Variants in TEX36 observed in about 807,000 individuals in gnomAD.
TEX36 encodes testis expressed 36.
A neutral mutation model predicts 13.6 loss-of-function variants in TEX36; 12 were observed. The ratio of observed to expected loss-of-function variants is 0.88; its 90% CI spans 0.56 to 1.43. The LOEUF is 1.43. Ranked by LOEUF, TEX36 falls within the 40% of genes most tolerant of loss-of-function variation. The probability of loss-of-function intolerance (pLI) is 0.00; values close to 1 mark genes in which losing one functional copy is unlikely to be tolerated. For synonymous variants in TEX36, 93 were observed against 83.0 expected, an observed-to-expected ratio of 1.12 and a Z score of -0.65; for missense variants, 224 against 228.3, an observed-to-expected ratio of 0.98 and a Z score of 0.12.
At chr10:125,662,545 G>A (rs1357415863) in intron 1 of TEX36, among the ~76,000 whole-genome samples, 7 of 152,056 alleles carry the variant, frequency 4.6e-5, no homozygotes, top group Non-Finnish European at 1.0e-4. Flanking sequence ...TGAGGACTGA[G>A]GATTATCTAG....
chr10:125,633,774 A>G (rs991315468), intron 3 of TEX36, among the ~76,000 whole-genome samples: 14 of 152,226 alleles, frequency 9.2e-5, no homozygotes, highest in African/African-American at 3.4e-4. Flanking sequence ...CATCGACATC[A>G]GGGAATCAGG....
At chr10:125,608,730 C>A (rs951191780) in intron 3 of TEX36, among the ~76,000 whole-genome samples, 6 of 152,132 alleles carry the variant, frequency 3.9e-5, no homozygotes, top group Admixed American at 1.3e-4. Context: ...AGACAAATAG[C>A]CCCTTTCCTT....
intron 3 of TEX36, among the ~76,000 whole-genome samples, chr10:125,591,162 C>A (rs1846017121): frequency 6.6e-6 from 1 of 152,154 alleles, no homozygotes; most frequent in Admixed American, 6.5e-5. Flanking sequence ...AAATCCATTT[C>A]ATTTGGAATT....
intron 1 of TEX36, among the ~76,000 whole-genome samples, chr10:125,678,822 G>A (rs1847349807): frequency 6.6e-6 from 1 of 152,032 alleles, no homozygotes; most frequent in South Asian, 2.1e-4. Flanking sequence ...AGGACGTGAG[G>A]CTCTGTGTTC....
intron 3 of TEX36, among the ~76,000 whole-genome samples, chr10:125,638,941 ATTCT>A (rs1418015659): frequency 1.3e-5 from 2 of 152,218 alleles, no homozygotes; most frequent in Non-Finnish European, 2.9e-5. Context: ...TACACTATTA[ATTCT>A]TTGTTTTACC....
At chr10:125,583,698 GT>G (rs1845911017) in intron 3 of TEX36, among the ~76,000 whole-genome samples, 1 of 152,152 alleles carries the variant, frequency 6.6e-6, no homozygotes, top group African/African-American at 2.4e-5. Context: ...CTTTTAAAAT[GT>G]TTTCCTTCAA....
chr10:125,677,036 T>C (rs984981960), intron 1 of TEX36, among the ~76,000 whole-genome samples: 4 of 152,272 alleles, frequency 2.6e-5, no homozygotes, highest in Non-Finnish European at 5.9e-5. Context: ...TATTGTCTTA[T>C]GACCTGTAAG....
chr10:125,666,307 C>CAAAGG (rs1847120716), intron 1 of TEX36, among the ~76,000 whole-genome samples: 1 of 152,146 alleles, frequency 6.6e-6, no homozygotes, highest in Non-Finnish European at 1.5e-5. Flanking sequence ...CAACTTTACT[C>CAAAGG]CATTCAGTAT....
At chr10:125,597,641 G>A (rs563025542) in intron 3 of TEX36, among the ~76,000 whole-genome samples, 1 of 152,330 alleles carries the variant, frequency 6.6e-6, no homozygotes, top group South Asian at 2.1e-4. Context: ...GGTCAAGGAA[G>A]CAAGGCTTTC....
chr10:125,651,360 G>T (rs1036710856), downstream of TEX36, among the ~76,000 whole-genome samples: 1 of 152,080 alleles, frequency 6.6e-6, no homozygotes, highest in Non-Finnish European at 1.5e-5. Flanking sequence ...ATCAATAAAC[G>T]TAACCCATCA....
intron 3 of TEX36, among the ~76,000 whole-genome samples, chr10:125,615,967 T>C (rs1343759236): frequency 2.0e-5 from 3 of 152,196 alleles, no homozygotes; most frequent in Non-Finnish European, 4.4e-5. Flanking sequence ...CAGCTCCTGT[T>C]ATTGGTCTAT....
chr10:125,665,122 TC>T (rs1847103187), intron 1 of TEX36, among the ~76,000 whole-genome samples: 1 of 152,178 alleles, frequency 6.6e-6, no homozygotes, highest in Non-Finnish European at 1.5e-5. Flanking sequence ...TTGTTTGAGT[TC>T]CCTGTATATT....
downstream of TEX36, among the ~76,000 whole-genome samples, chr10:125,618,325 G>T (rs888629602): frequency 2.0e-5 from 3 of 151,608 alleles, no homozygotes; most frequent in Admixed American, 6.5e-5. Context: ...TTCCGTTGCT[G>T]GTGAGGAACT....
downstream of TEX36, among the ~76,000 whole-genome samples, chr10:125,620,772 G>A (rs61523699): frequency 0.062 from 9,418 of 152,126 alleles, 929 homozygotes; most frequent in African/African-American, 0.21. Flanking sequence ...CCATTAAACC[G>A]TAACTCCTCA....
chr10:125,681,794 C>T (rs1241804945), intron 1 of TEX36, among the ~76,000 whole-genome samples: 2 of 152,170 alleles, frequency 1.3e-5, no homozygotes, highest in Admixed American at 1.3e-4. Flanking sequence ...TGTGCTCACT[C>T]ATTGTACTGA....
At chr10:125,607,941 C>T (rs1340957012) in intron 3 of TEX36, among the ~76,000 whole-genome samples, 1 of 152,160 alleles carries the variant, frequency 6.6e-6, no homozygotes, top group Non-Finnish European at 1.5e-5. Flanking sequence ...TCTCCAGAGC[C>T]AGCAGGTGCC....
chr10:125,642,592 T>C (rs1846707449), intron 3 of TEX36, among the ~76,000 whole-genome samples: 1 of 152,208 alleles, frequency 6.6e-6, no homozygotes, highest in Non-Finnish European at 1.5e-5. Flanking sequence ...TCCTAAAGTG[T>C]GGGAGGGAGT....
intron 3 of TEX36, among the ~76,000 whole-genome samples, chr10:125,610,132 C>A (rs1235266022): frequency 1.3e-5 from 2 of 152,208 alleles, no homozygotes; most frequent in African/African-American, 4.8e-5. Context: ...TCAGAGAATT[C>A]CCTGCCCCTT....
chr10:125,576,729 G>A, exon 4 of TEX36: 1 of 1,534,546 alleles, frequency 6.5e-7, no homozygotes, highest in South Asian at 1.2e-5. Flanking sequence ...ATGGGTGACA[G>A]AAACTTGCTC....
Sources: gnomAD v4.1 joint callset for allele counts (sites outside exome capture counted in the v4.1 genomes callset) on GRCh38, gnomAD v4.1.1 for gene constraint, MANE v1.5 for transcripts, NCBI Gene and HGNC (gene_info 2026-07-23, HGNC 2026-07-21) for gene names.